Variants in PTPRD observed in about 807,000 individuals in gnomAD.
The protein encoded by PTPRD is protein tyrosine phosphatase receptor type D.
A neutral mutation model predicts 214.5 loss-of-function variants in PTPRD; 34 were observed. The observed-to-expected ratio is 0.16, with a 90% CI of 0.12 to 0.21. PTPRD has a LOEUF of 0.21. Among genes scored for constraint, PTPRD ranks in the 10% least tolerant of loss-of-function variants. The pLI, the probability that PTPRD is intolerant of heterozygous loss-of-function variation, is 1.00. For synonymous variants in PTPRD, 1,128 were observed against 845.7 expected (o/e 1.33, Z -5.79); for missense variants, 2,545 against 2,398.7 (o/e 1.06, Z -1.27).
At chr9:10,527,227 C>T (rs989297957) in intron 2 of PTPRD, among the ~76,000 whole-genome samples, 14 of 152,094 alleles carry the variant, frequency 9.2e-5, no homozygotes, top group African/African-American at 3.4e-4. Context: ...GATAAATATG[C>T]TCGCAAGTCT....
chr9:8,785,839 A>C (rs1933778616), intron 11 of PTPRD, among the ~76,000 whole-genome samples: 1 of 152,260 alleles, frequency 6.6e-6, no homozygotes, highest in Admixed American at 6.5e-5. Flanking sequence ...TAGCAAAAGC[A>C]TAAGGAACAC....
chr9:10,275,659 T>C (rs941927773), intron 3 of PTPRD, among the ~76,000 whole-genome samples: 1 of 152,062 alleles, frequency 6.6e-6, no homozygotes, highest in Non-Finnish European at 1.5e-5. Flanking sequence ...CAAGGTCAAA[T>C]AGAGGTAGAA....
At chr9:10,423,671 T>G (rs760235486) in intron 2 of PTPRD, among the ~76,000 whole-genome samples, 1 of 151,930 alleles carries the variant, frequency 6.6e-6, no homozygotes, top group South Asian at 2.1e-4. Flanking sequence ...CTCCTGTTAA[T>G]GCAGAGACAT....
chr9:8,442,654 A>C (rs2095586486), intron 34 of PTPRD, among the ~76,000 whole-genome samples: 1 of 152,212 alleles, frequency 6.6e-6, no homozygotes, highest in Non-Finnish European at 1.5e-5. Flanking sequence ...AAATTCATTC[A>C]TTAAATATTT....
chr9:9,181,416 C>T (rs566792212), intron 10 of PTPRD, among the ~76,000 whole-genome samples: 1 of 151,758 alleles, frequency 6.6e-6, no homozygotes, highest in African/African-American at 2.4e-5. Context: ...AAATATGCTG[C>T]CTGTTTCCAT....
At chr9:10,169,560 C>A (rs1462597301) in intron 3 of PTPRD, among the ~76,000 whole-genome samples, 3 of 146,464 alleles carry the variant, frequency 2.0e-5, no homozygotes, top group Non-Finnish European at 4.5e-5. Context: ...CCACAAATAA[C>A]AATTCTAAAG....
chr9:9,452,603 C>A (rs1156421427), intron 8 of PTPRD, among the ~76,000 whole-genome samples: 1 of 151,156 alleles, frequency 6.6e-6, no homozygotes, highest in Non-Finnish European at 1.5e-5. Context: ...CTAACTTACT[C>A]ATCTTTATAC....
At chr9:8,634,232 G>C (rs2096354624) in intron 13 of PTPRD, among the ~76,000 whole-genome samples, 1 of 148,998 alleles carries the variant, frequency 6.7e-6, no homozygotes, top group Non-Finnish European at 1.5e-5. Context: ...GCTAATTCAA[G>C]TACCACTTAA....
At chr9:10,441,574 C>T (rs574526921) in intron 2 of PTPRD, among the ~76,000 whole-genome samples, 1 of 151,538 alleles carries the variant, frequency 6.6e-6, no homozygotes, top group Non-Finnish European at 1.5e-5. Context: ...CTGTTCTCAT[C>T]ATATCTCAAC....
intron 10 of PTPRD, among the ~76,000 whole-genome samples, chr9:9,122,261 C>T (rs1259782744): frequency 6.6e-6 from 1 of 152,164 alleles, no homozygotes. Context: ...TATTCAGTAT[C>T]TTGTCTTTGG....
At chr9:8,485,542 T>C (rs2096982310) in intron 28 of PTPRD, 1 of 625,800 alleles carries the variant, frequency 1.6e-6, no homozygotes, top group African/African-American at 1.8e-5. Flanking sequence ...GTGTTTTCCT[T>C]ACCTGAGGAC....
intron 3 of PTPRD, among the ~76,000 whole-genome samples, chr9:10,121,944 C>G (rs575397907): frequency 1.3e-5 from 2 of 152,178 alleles, no homozygotes; most frequent in Non-Finnish European, 2.9e-5. Context: ...GTTACAAAAT[C>G]TCAAGACAAA....
intron 7 of PTPRD, among the ~76,000 whole-genome samples, chr9:9,668,070 C>G (rs923822654): frequency 6.6e-6 from 1 of 152,116 alleles, no homozygotes; most frequent in Non-Finnish European, 1.5e-5. Context: ...GCCCTCATCC[C>G]ACCCAAACTC....
In PTPRD at chr9:9,576,812, T is replaced by C. The variant is rs539549843; in HGVS notation, c.-286-2031A>G. The stretch of plus-strand genomic sequence containing the variant: ...ATAGCGCAGAAACAATAATTTATTT[T>C]AGCACGATCAGATGCTAGATTACTC... On this transcript the variant is annotated intron_variant, in intron 7 of 45. Coordinates refer to ENST00000381196, the MANE Select transcript of PTPRD (RefSeq NM_002839.4). Among the ~76,000 whole-genome samples, 38 of 152,284 alleles carry C rather than the reference T, an allele frequency of 2.5e-4. No homozygotes were observed. The South Asian group carries it at 6.8e-3, about 27-fold the overall frequency.
intron 9 of PTPRD, among the ~76,000 whole-genome samples, chr9:9,388,579 A>T (rs1357321004): frequency 6.6e-6 from 1 of 152,160 alleles, no homozygotes; most frequent in Non-Finnish European, 1.5e-5. Flanking sequence ...ATGGTGAATG[A>T]TTCTAAGGCT....
chr9:10,076,732 G>A (rs549492977), intron 3 of PTPRD, among the ~76,000 whole-genome samples: 1 of 152,210 alleles, frequency 6.6e-6, no homozygotes, highest in South Asian at 2.1e-4. Flanking sequence ...GTGCCAAGAT[G>A]GCAGTAAGAA....
intron 26 of PTPRD, among the ~76,000 whole-genome samples, chr9:8,494,324 A>C (rs943795520): frequency 6.6e-6 from 1 of 152,196 alleles, no homozygotes; most frequent in Non-Finnish European, 1.5e-5. Context: ...AGAAGTTCAG[A>C]TATCATCCTG....
At chr9:8,455,388 A>G (rs1344321619) in intron 33 of PTPRD, among the ~76,000 whole-genome samples, 1 of 152,234 alleles carries the variant, frequency 6.6e-6, no homozygotes, top group African/African-American at 2.4e-5. Flanking sequence ...CACCTGTGAT[A>G]ATATGTTGAT....
At chr9:10,453,553 T>C (rs1433315762) in intron 2 of PTPRD, among the ~76,000 whole-genome samples, 1 of 151,690 alleles carries the variant, frequency 6.6e-6, no homozygotes, top group African/African-American at 2.4e-5. Context: ...ATTTTATTTT[T>C]ATAGCTCTTG....
Sources: allele counts gnomAD v4.1 joint callset (sites outside exome capture counted in the v4.1 genomes callset), GRCh38; gene constraint gnomAD v4.1.1; transcripts MANE v1.5; gene names NCBI Gene and HGNC (gene_info 2026-07-23, HGNC 2026-07-21).